The following AUTS2 variants were observed in gnomAD, a reference collection of about 807,000 sequenced individuals.
AUTS2 encodes the protein activator of transcription and developmental regulator AUTS2, also known as autism susceptibility gene 2 protein.
A neutral mutation model predicts 112.4 loss-of-function variants in AUTS2; 17 were observed. That is an observed-to-expected ratio of 0.15 (90% CI 0.10 to 0.23). The LOEUF (loss-of-function observed/expected upper bound fraction) is 0.23. Ranked by LOEUF, AUTS2 falls within the 10% of genes least tolerant of loss-of-function variation. The probability of loss-of-function intolerance (pLI) is 1.00; values close to 1 mark genes in which losing one functional copy is unlikely to be tolerated. For synonymous variants in AUTS2, 751 were observed against 702.7 expected (o/e 1.07, Z -1.09); for missense variants, 1,510 against 1,701.6 (o/e 0.89, Z 1.98).
chr7:69,877,778 G>C (rs1793867837), intron 1 of AUTS2, among the ~76,000 whole-genome samples: 1 of 152,222 alleles, frequency 6.6e-6, no homozygotes, highest in Admixed American at 6.5e-5. Flanking sequence ...TTATAATGCA[G>C]TCTTACCCCT....
At chr7:70,679,151 T>C (rs1264588789) in intron 5 of AUTS2, among the ~76,000 whole-genome samples, 1 of 152,242 alleles carries the variant, frequency 6.6e-6, no homozygotes, top group Non-Finnish European at 1.5e-5. Flanking sequence ...TTGGGTGTTA[T>C]TCTCACCATC....
At chr7:69,998,318 A>G (rs532283270) in intron 2 of AUTS2, among the ~76,000 whole-genome samples, 3 of 152,132 alleles carry the variant, frequency 2.0e-5, no homozygotes, top group African/African-American at 7.2e-5. Context: ...AGTAGCTGGG[A>G]CTACAGGCAC....
At chr7:70,177,790 T>C (rs890846541) in intron 4 of AUTS2, among the ~76,000 whole-genome samples, 1 of 152,236 alleles carries the variant, frequency 6.6e-6, no homozygotes, top group African/African-American at 2.4e-5. Context: ...TTTTCATTTT[T>C]AATTAAATCT....
intron 5 of AUTS2, among the ~76,000 whole-genome samples, chr7:70,501,129 A>G (rs1798756372): frequency 6.6e-6 from 1 of 152,226 alleles, no homozygotes; most frequent in Non-Finnish European, 1.5e-5. Context: ...ATTCAGATTT[A>G]TTTCGTGAAT....
intron 4 of AUTS2, among the ~76,000 whole-genome samples, chr7:70,207,750 G>A (rs576067926): frequency 7.9e-5 from 12 of 152,158 alleles, no homozygotes; most frequent in South Asian, 4.2e-4. Flanking sequence ...GGTGGCTCAC[G>A]CCTGTATTCC....
chr7:70,635,813 A>G (rs1369232412), intron 5 of AUTS2, among the ~76,000 whole-genome samples: 11 of 152,192 alleles, frequency 7.2e-5, no homozygotes, highest in Non-Finnish European at 1.6e-4. Context: ...TGGCCCCAAG[A>G]TGGACCCTAG....
chr7:69,995,006 G>T (rs546342549), intron 2 of AUTS2, among the ~76,000 whole-genome samples: 1 of 152,262 alleles, frequency 6.6e-6, no homozygotes, highest in South Asian at 2.1e-4. Context: ...GCTTCCAAAT[G>T]ACAATGGGCT....
At chr7:70,236,783 A>C (rs1430591094) in intron 4 of AUTS2, among the ~76,000 whole-genome samples, 3 of 152,194 alleles carry the variant, frequency 2.0e-5, no homozygotes, top group Non-Finnish European at 4.4e-5. Context: ...TGTCCAGTAC[A>C]CATGGTGCTC....
intron 4 of AUTS2, among the ~76,000 whole-genome samples, chr7:70,398,816 A>G (rs918096271): frequency 3.3e-5 from 5 of 152,136 alleles, no homozygotes; most frequent in African/African-American, 7.2e-5. Context: ...GTTGTTCACC[A>G]TAAGTATGAT....
intron 1 of AUTS2, among the ~76,000 whole-genome samples, chr7:69,802,092 C>T (rs1411701736): frequency 6.6e-6 from 1 of 152,178 alleles, no homozygotes; most frequent in Admixed American, 6.5e-5. Context: ...TTACGTTGGC[C>T]AGACCAGCAG....
chr7:69,772,343 TC>T (rs1018483452), intron 1 of AUTS2, among the ~76,000 whole-genome samples: 1 of 152,236 alleles, frequency 6.6e-6, no homozygotes, highest in African/African-American at 2.4e-5. Flanking sequence ...ATTCATTCCT[TC>T]TCTTACTTGT....
At chr7:70,770,063 A>C (rs1790238886) in intron 10 of AUTS2, among the ~76,000 whole-genome samples, 1 of 152,214 alleles carries the variant, frequency 6.6e-6, no homozygotes, top group African/African-American at 2.4e-5. Context: ...AGCTTTATTC[A>C]GTGTACTGTG....
chr7:69,806,638 T>A (rs1348252669), intron 1 of AUTS2, among the ~76,000 whole-genome samples: 1 of 152,140 alleles, frequency 6.6e-6, no homozygotes, highest in Non-Finnish European at 1.5e-5. Context: ...CTGGCTAATT[T>A]TTTTGATGAG....
intron 1 of AUTS2, among the ~76,000 whole-genome samples, chr7:69,864,764 G>A (rs1002642053): frequency 1.3e-5 from 2 of 152,222 alleles, no homozygotes; most frequent in Admixed American, 6.5e-5. Context: ...GCATAATGCT[G>A]TTGGGTTGGC....
At chr7:70,090,999 G>A (rs1481613504) in intron 2 of AUTS2, among the ~76,000 whole-genome samples, 1 of 152,138 alleles carries the variant, frequency 6.6e-6, no homozygotes, top group Non-Finnish European at 1.5e-5. Context: ...TTGAAGTACA[G>A]GCCTACTGGT....
chr7:70,307,758 G>A (rs913688015), intron 4 of AUTS2, among the ~76,000 whole-genome samples: 14 of 152,068 alleles, frequency 9.2e-5, no homozygotes, highest in Non-Finnish European at 7.4e-5. Context: ...TTCACTAAAA[G>A]CAATTTCAGA....
At position 70,784,935 on chromosome 7, in the gene AUTS2, T is replaced by C; in HGVS notation, c.2147-7T>C. On this transcript the variant is annotated splice_region_variant and splice_polypyrimidine_tract_variant and intron_variant, in intron 15 of 18. Coordinates refer to ENST00000342771, the MANE Select transcript of AUTS2 (RefSeq NM_015570.4). ...AAACTCTGGTTTCGTTATGTTTGAC[T>C]TAACAGGTGCTGCACACCCAACTGG... 6.2e-7 allele frequency: 1 copy of C among 1,614,068 alleles called. No individual in the cohort carries two copies. Among genetic ancestry groups the C allele is most frequent in the Non-Finnish European group, 8.5e-7 (1 of 1,179,962 alleles).
chr7:69,761,500 C>T (rs959219912), intron 1 of AUTS2, among the ~76,000 whole-genome samples: 4 of 151,872 alleles, frequency 2.6e-5, no homozygotes, highest in Non-Finnish European at 5.9e-5. Flanking sequence ...TCCTGTTAGT[C>T]GTTTTGTGAG....
intron 1 of AUTS2, among the ~76,000 whole-genome samples, chr7:69,686,738 CT>C (rs1797082959): frequency 6.6e-6 from 1 of 151,990 alleles, no homozygotes. Context: ...TAGAATATAG[CT>C]TTTGTCAGAT....
Sources: allele counts gnomAD v4.1 joint callset (sites outside exome capture counted in the v4.1 genomes callset), GRCh38; gene constraint gnomAD v4.1.1; transcripts MANE v1.5; gene names NCBI Gene and HGNC (gene_info 2026-07-23, HGNC 2026-07-21).